The following ERCC2 variants were observed in gnomAD, a reference collection of about 807,000 sequenced individuals.
ERCC2 encodes the protein general transcription and DNA repair factor IIH helicase subunit XPD.
In ERCC2, 90 loss-of-function variants were observed where a neutral mutation model predicts 99.4. The ratio of observed to expected loss-of-function variants is 0.91; its 90% CI spans 0.76 to 1.08. ERCC2 has a LOEUF of 1.08. Ranked by LOEUF, ERCC2 falls within the 50% of genes least tolerant of loss-of-function variation. The pLI, the probability that ERCC2 is intolerant of heterozygous loss-of-function variation, is 0.00. For missense variants in ERCC2, 993 were observed against 1,038.1 expected (o/e 0.96, Z 0.60); for synonymous variants, 497 against 432.4 (o/e 1.15, Z -1.85).
In ERCC2 at chr19:45,368,750, C is replaced by T. The variant is rs927077871; in HGVS notation, c.247-7G>A. The T allele has an allele frequency of 1.9e-6, 3 of 1,607,412 alleles. No individual in the cohort carries two copies. The highest frequency in any genetic ancestry group is 2.7e-5 in the African/African-American group (2 of 74,780). On this transcript the variant is annotated splice_region_variant and splice_polypyrimidine_tract_variant and intron_variant, in intron 4 of 22. Coordinates refer to ENST00000391945, the MANE Select transcript of ERCC2 (RefSeq NM_000400.4). ...TTCGAAGCTCTTCAATCACCTACTC[C>T]AAAGTTGGGGGGCAGGGGGAGCTTG...
rs1052091102 is a variant in ERCC2, at chr19:45,354,317, G to C, written c.1665+413C>G. On this transcript the variant is annotated intron_variant, in intron 17 of 22. Transcript: ENST00000391945. ...GCTCCTGCAGACCCTTGAGAGGCTC[G>C]CCCCGAGTCTTGGTCCAGCCTTAAT... Among the ~76,000 whole-genome samples the C allele has an allele frequency of 2.0e-5, 3 of 152,248 alleles. No individual in the cohort carries two copies. In the East Asian group the frequency reaches 5.8e-4, roughly 29 times the overall value.
At chr19:45,360,076 AT>A (rs1306986615) in intron 12 of ERCC2, among the ~76,000 whole-genome samples, 1 of 135,186 alleles carries the variant, frequency 7.4e-6, no homozygotes, top group Non-Finnish European at 1.5e-5. Flanking sequence ...TGCCAGGCCT[AT>A]TTTTTTTCTT....
chr19:45,357,636 T>C lies in ERCC2; in HGVS notation c.1301A>G (p.His434Arg). 6.2e-7 allele frequency: 1 copy of C among 1,614,032 alleles called. No homozygotes were observed. The highest frequency in any genetic ancestry group is 8.5e-7 in the Non-Finnish European group (1 of 1,179,966). ...RTPTIANPIL[H>R]FSCMDASLAI... Reference sequence around the variant, plus strand: ...TCACCGGGCAGGGTCCCACCTGAAGTGCAGGATGGGGTTGGCAATGGTCGG... The same window carrying C: ...TCACCGGGCAGGGTCCCACCTGAAGCGCAGGATGGGGTTGGCAATGGTCGG... The change falls in exon 13 of 23, where the codon CAC becomes CGC. Residue 434 changes from histidine to arginine, a missense_variant. His to Arg is a conservative substitution (Grantham distance 29, BLOSUM62 0). Around this residue, in one of 3 missense-constraint regions of ERCC2, gnomAD observed 909 missense variants for 930.8 expected, o/e 0.98. Transcript: ENST00000391945.
chr19:45,357,978 C>T (rs1972072979), intron 12 of ERCC2: 1 of 541,056 alleles, frequency 1.8e-6, no homozygotes, highest in African/African-American at 1.9e-5. Flanking sequence ...TCTCCCAGCA[C>T]CGCATGGGCT....
In ERCC2 at chr19:45,351,143, A is replaced by C. The variant is rs1241841823; in HGVS notation, c.*486T>G. The C allele has an allele frequency of 8.1e-6, 13 of 1,597,262 alleles. No individual in the cohort carries two copies. Among genetic ancestry groups the C allele is most frequent in the Non-Finnish European group, 1.7e-6 (2 of 1,171,004 alleles). ...GGTGGGTTGGTGTCAGAAGAGACCC[A>C]GGACAGGAGCAAAGATGGGTTTTAC... is the stretch of plus-strand genomic sequence containing the variant. On this transcript the variant is annotated 3_prime_UTR_variant, in exon 23 of 23. Coordinates refer to ENST00000391945, the MANE Select transcript of ERCC2 (RefSeq NM_000400.4).
rs374391544 is a variant in ERCC2 at position 45,361,579 on chromosome 19, G to A, written c.1182C>T (p.Phe394=). The change falls in exon 12 of 23, where the codon TTC becomes TTT. Residue 394 remains phenylalanine, a synonymous_variant. Coordinates refer to ENST00000391945, the MANE Select transcript of ERCC2 (RefSeq NM_000400.4). ...AGTTAGCAAGGAGGGTGAGCGGGGA[G>A]AAGTCAGCAAGGTCGGTGATCTCCA... is the stretch of plus-strand genomic sequence containing the variant. The part of the protein sequence containing the change: ...HTLEITDLAD[F]SPLTLLANFA... The A allele has an allele frequency of 2.5e-6, 4 of 1,613,974 alleles. No homozygotes were observed. The highest frequency in any genetic ancestry group is 3.4e-6 in the Non-Finnish European group (4 of 1,179,966).
chr19:45,352,330 C>T lies in ERCC2; in HGVS notation c.2069G>A (p.Arg690Gln), dbSNP rs537616689. ...CTGGATCCAGCGGGGCAGCTTCCCCCGCTTGTCCCCACGGGCAAACCGCTG... is the reference window on the plus strand; with the variant it reads ...CTGGATCCAGCGGGGCAGCTTCCCCTGCTTGTCCCCACGGGCAAACCGCTG... ...ADKRFARGDK[R>Q]GKLPRWIQEH... The change falls in exon 22 of 23, where the codon CGG (arginine) becomes CAG (glutamine). Residue 690 changes from arginine to glutamine, a missense_variant. Transcript: ENST00000391945. 58 of 1,614,066 alleles carry T rather than the reference C, an allele frequency of 3.6e-5. No homozygotes were observed. In the African/African-American group the frequency reaches 3.7e-4, roughly 10 times the overall value.
chr19:45,353,060 G>GC, intron 19 of ERCC2, 23 bp downstream of exon 19: 1 of 1,608,346 alleles, frequency 6.2e-7, no homozygotes, highest in East Asian at 2.2e-5. Flanking sequence ...GACACCTGGG[G>GC]AGGAAGAGCC....
At chr19:45,362,146 G>A (rs1381664178) in intron 11 of ERCC2, among the ~76,000 whole-genome samples, 1 of 152,004 alleles carries the variant, frequency 6.6e-6, no homozygotes, top group East Asian at 1.9e-4. Context: ...GGCTGGTCTT[G>A]AACTTCTGAC....
intron 11 of ERCC2, chr19:45,361,930 T>C (rs1488676217): frequency 1.2e-5 from 5 of 404,172 alleles, no homozygotes; most frequent in South Asian, 7.0e-5. Flanking sequence ...GGGTTCTTTT[T>C]TTCTTTTTCT....
At chr19:45,354,665 T>C in intron 17 of ERCC2, 65 bp downstream of exon 17, 1 of 1,602,630 alleles carries the variant, frequency 6.2e-7, no homozygotes, top group South Asian at 1.1e-5. Flanking sequence ...GGAATGAAGC[T>C]GACATAGCGG....
In ERCC2 at chr19:45,350,495, CCCCCATCTTTCCCCCTAGGTG is replaced by C. The variant is rs763627642; in HGVS notation, c.*1113_*1133del. 5.6e-6 allele frequency: 9 copies of C among 1,613,640 alleles called. No homozygotes were observed. Among genetic ancestry groups the C allele is most frequent in the Middle Eastern group, 1.6e-4 (1 of 6,062 alleles). ...CTTCTCTATGTCCCCATCTCAGTGT[CCCCCATCTTTCCCCCTAGGTG>C]CCCCCAACACAGGCACAGCTGGTGA... On this transcript the variant is annotated 3_prime_UTR_variant, in exon 23 of 23. Transcript: ENST00000391945.
chr19:45,351,405 G>A lies in ERCC2; in HGVS notation c.*224C>T, dbSNP rs771414914. Reference sequence around the variant, plus strand: ...GCAGCTTCTTGGGAACAGTGCAGGAGGGATGGGCTGGTGGGGTGAGAGGGG... The same window carrying A: ...GCAGCTTCTTGGGAACAGTGCAGGAAGGATGGGCTGGTGGGGTGAGAGGGG... On this transcript the variant is annotated 3_prime_UTR_variant, in exon 23 of 23. Transcript: ENST00000391945. 6.2e-7 allele frequency: 1 copy of A among 1,600,716 alleles called. No homozygotes were observed. Among genetic ancestry groups the A allele is most frequent in the East Asian group, 2.2e-5 (1 of 44,752 alleles).
At chr19:45,355,526 G>T in intron 16 of ERCC2, 139 bp downstream of exon 16, 1 of 818,516 alleles carries the variant, frequency 1.2e-6, no homozygotes. Flanking sequence ...CACAGTGGAC[G>T]TGTACCACGG....
intron 12 of ERCC2, chr19:45,358,059 T>G: frequency 2.6e-6 from 1 of 390,202 alleles, no homozygotes; most frequent in Non-Finnish European, 4.9e-6. Context: ...TTGTTTTTGT[T>G]TTTTGAGATG....
At chr19:45,352,069 C>T (rs1053512025) in intron 22 of ERCC2, 140 bp downstream of exon 22, 15 of 1,022,234 alleles carry the variant, frequency 1.5e-5, no homozygotes, top group African/African-American at 1.6e-5. Flanking sequence ...GAGCCTGGCA[C>T]GTAGATGCAC....
chr19:45,354,918 AGGAGTTTCT>A, intron 16 of ERCC2, 67 bp from the exon 17 acceptor site: 1 of 1,608,148 alleles, frequency 6.2e-7, no homozygotes, highest in South Asian at 1.1e-5. Flanking sequence ...TCTTAGAACT[AGGAGTTTCT>A]GGAAACCCCA....
At position 45,352,651 on chromosome 19, in the gene ERCC2, T is replaced by C. The variant is rs1280360166; in HGVS notation, c.1903-2A>G. 2 of 1,613,844 alleles carry C rather than the reference T, an allele frequency of 1.2e-6. No homozygotes were observed. The highest frequency in any genetic ancestry group is 8.5e-7 in the Non-Finnish European group (1 of 1,180,024). On this transcript the variant is annotated splice_acceptor_variant, in intron 20 of 22. Transcript: ENST00000391945. LOFTEE classifies it high-confidence loss of function. ...GTCCCGCAGGTATTCCAGCCGCGCC[T>C]GCAGATACGGAGGATGAGAAGCTGG...
chr19:45,370,431 CA>C, intron 1 of ERCC2, 104 bp downstream of exon 1: 1 of 984,676 alleles, frequency 1.0e-6, no homozygotes. Flanking sequence ...CCCACCCCTT[CA>C]CCCTCCCCTC....
Sources: gnomAD v4.1 joint callset for allele counts (sites outside exome capture counted in the v4.1 genomes callset) on GRCh38, gnomAD v4.1.1 for gene constraint, gnomAD v4.1.1 regional missense constraint, MANE v1.5 for transcripts, NCBI Gene and HGNC (gene_info 2026-07-23, HGNC 2026-07-21) for gene names.